Variants in TMTC1 observed in about 807,000 individuals in gnomAD.
TMTC1 encodes the protein protein O-mannosyl-transferase TMTC1.
Under a neutral mutation model 104.8 loss-of-function variants are expected in TMTC1, and 73 were observed. That is an observed-to-expected ratio of 0.70 (90% CI 0.58 to 0.85). The LOEUF is 0.85. Ranked by LOEUF, TMTC1 falls within the 40% of genes least tolerant of loss-of-function variation. The probability of loss-of-function intolerance (pLI) is 0.00; values close to 1 mark genes in which losing one functional copy is unlikely to be tolerated. For synonymous variants in TMTC1, 434 were observed against 428.7 expected (o/e 1.01, Z -0.15); for missense variants, 1,035 against 1,096.1 (o/e 0.94, Z 0.79).
intron 7 of TMTC1, among the ~76,000 whole-genome samples, chr12:29,599,256 T>A (rs1343387638): frequency 1.3e-5 from 2 of 152,120 alleles, no homozygotes; most frequent in Non-Finnish European, 2.9e-5. Context: ...AAATAAAAGA[T>A]CAAAATTTCT....
chr12:29,509,792 T>C (rs1943784473), intron 17 of TMTC1, among the ~76,000 whole-genome samples: 1 of 152,238 alleles, frequency 6.6e-6, no homozygotes, highest in Non-Finnish European at 1.5e-5. Context: ...GCACTAATTA[T>C]ATTTTAAAAT....
chr12:29,615,425 G>A (rs935959653), intron 6 of TMTC1, among the ~76,000 whole-genome samples: 9 of 152,122 alleles, frequency 5.9e-5, no homozygotes, highest in African/African-American at 2.2e-4. Context: ...TTTAAATCAT[G>A]TTAAGCAGGT....
chr12:29,616,669 C>CA (rs71045821), intron 6 of TMTC1, among the ~76,000 whole-genome samples: 8,268 of 79,484 alleles, frequency 0.1, 396 homozygotes, highest in Middle Eastern at 0.14. Flanking sequence ...AACTTGGTCT[C>CA]AAAAAAAAAA....
chr12:29,560,793 A>T (rs1945358539), intron 9 of TMTC1, among the ~76,000 whole-genome samples: 1 of 152,142 alleles, frequency 6.6e-6, no homozygotes, highest in South Asian at 2.1e-4. Context: ...GTAGGCAGTC[A>T]AGGGCATCAT....
chr12:29,696,532 C>A (rs369911737), intron 5 of TMTC1, among the ~76,000 whole-genome samples: 68 of 152,234 alleles, frequency 4.5e-4, no homozygotes, highest in African/African-American at 8.2e-4. Context: ...TAAATGAAAT[C>A]TTTTGCTCTG....
At chr12:29,600,989 AC>A (rs1381818853) in intron 7 of TMTC1, among the ~76,000 whole-genome samples, 1 of 152,216 alleles carries the variant, frequency 6.6e-6, no homozygotes, top group Non-Finnish European at 1.5e-5. Flanking sequence ...GTGCCTCTTT[AC>A]CGAATTTGGC....
chr12:29,653,699 A>G (rs1276098991), intron 5 of TMTC1, among the ~76,000 whole-genome samples: 1 of 152,194 alleles, frequency 6.6e-6, no homozygotes, highest in African/African-American at 2.4e-5. Context: ...ATACATCTGA[A>G]TGTCTGGGTT....
intron 10 of TMTC1, among the ~76,000 whole-genome samples, chr12:29,540,571 G>A (rs1944767851): frequency 6.6e-6 from 1 of 152,114 alleles, no homozygotes; most frequent in Admixed American, 6.5e-5. Context: ...TGACCACCAG[G>A]TTTTAAGTTC....
At chr12:29,714,211 C>A (rs1015194066) in intron 5 of TMTC1, among the ~76,000 whole-genome samples, 1 of 152,180 alleles carries the variant, frequency 6.6e-6, no homozygotes, top group African/African-American at 2.4e-5. Flanking sequence ...AATCTTTCTA[C>A]CAAAAATGAC....
Position 29,783,073 on chromosome 12 carries a change from G to A in TMTC1, c.302+377C>T. 1 of 218,194 alleles carries A rather than the reference G, an allele frequency of 4.6e-6. No individual in the cohort carries two copies. The highest frequency in any genetic ancestry group is 9.0e-6 in the Non-Finnish European group (1 of 111,572). 13.5% of individuals were successfully genotyped at this position (218,194 alleles called of 1,614,324 possible). A position where few individuals can be genotyped will look rare whatever the true frequency, so the allele number is the denominator to read the frequency against. On this transcript the variant is annotated intron_variant, in intron 1 of 17. Coordinates refer to ENST00000539277, the MANE Select transcript of TMTC1 (RefSeq NM_001193451.2). This position sits in a 1 kb window ranked among gnomAD's most constrained non-coding sequence, Gnocchi z 4.7. ...TCTACTTGGAAGCATCGCCACCACC[G>A]CCACCCCTCCGGAACCCTCTGGGTC...
intron 5 of TMTC1, among the ~76,000 whole-genome samples, chr12:29,704,458 C>G (rs1941685555): frequency 6.6e-6 from 1 of 152,162 alleles, no homozygotes; most frequent in Non-Finnish European, 1.5e-5. Context: ...AAGGGAATAG[C>G]CTACCTGGTT....
chr12:29,529,653 T>G (rs559447338), intron 11 of TMTC1, among the ~76,000 whole-genome samples: 3 of 152,192 alleles, frequency 2.0e-5, no homozygotes, highest in Non-Finnish European at 4.4e-5. Flanking sequence ...TAAAGACACC[T>G]GTTTTCTCAC....
intron 7 of TMTC1, among the ~76,000 whole-genome samples, chr12:29,584,273 A>G (rs12314860): frequency 6.6e-6 from 1 of 152,292 alleles, no homozygotes; most frequent in East Asian, 1.9e-4. Flanking sequence ...TTGGTGCTAC[A>G]TGGTCCCTCA....
intron 8 of TMTC1, among the ~76,000 whole-genome samples, chr12:29,580,848 A>G (rs1421062091): frequency 6.6e-6 from 1 of 152,088 alleles, no homozygotes; most frequent in Non-Finnish European, 1.5e-5. Flanking sequence ...TTATAATGAA[A>G]TATGTTCATG....
At chr12:29,708,196 A>G (rs754736244) in intron 5 of TMTC1, among the ~76,000 whole-genome samples, 5 of 152,242 alleles carry the variant, frequency 3.3e-5, no homozygotes, top group African/African-American at 4.8e-5. Context: ...AGAAAAGCAC[A>G]GAATTGCAGA....
At chr12:29,716,748 G>A (rs1198035816) in intron 5 of TMTC1, among the ~76,000 whole-genome samples, 1 of 152,192 alleles carries the variant, frequency 6.6e-6, no homozygotes. Context: ...GGGCACAGGG[G>A]CTCACGCCTG....
chr12:29,548,829 T>TATATTC (rs1565662657), intron 10 of TMTC1, among the ~76,000 whole-genome samples: 1 of 107,002 alleles, frequency 9.3e-6, no homozygotes, highest in African/African-American at 6.1e-5. Context: ...TATTGCTTGA[T>TATATTC]TATATCACTT....
chr12:29,532,183 C>A (rs1339157901), intron 11 of TMTC1, among the ~76,000 whole-genome samples: 1 of 152,044 alleles, frequency 6.6e-6, no homozygotes, highest in South Asian at 2.1e-4. Context: ...TGATCTCTTT[C>A]TCTGTCATTG....
chr12:29,756,500 C>A (rs1023527604), intron 3 of TMTC1, among the ~76,000 whole-genome samples: 2 of 152,114 alleles, frequency 1.3e-5, no homozygotes, highest in African/African-American at 4.8e-5. Context: ...GAAAATACAA[C>A]TATTTTAACC....
Sources: gnomAD v4.1 joint callset for allele counts (sites outside exome capture counted in the v4.1 genomes callset) on GRCh38, gnomAD v4.1.1 for gene constraint, Gnocchi (gnomAD v3.1) non-coding constraint, MANE v1.5 for transcripts, NCBI Gene and HGNC (gene_info 2026-07-23, HGNC 2026-07-21) for gene names.